Variants in CREB5 observed in about 807,000 individuals in gnomAD.
CREB5 encodes the protein cAMP responsive element binding protein 5, also known as cyclic AMP-responsive element-binding protein 5.
Under a neutral mutation model 57.1 loss-of-function variants are expected in CREB5, and 19 were observed. The observed-to-expected ratio is 0.33, with a 90% CI of 0.23 to 0.49. The LOEUF (loss-of-function observed/expected upper bound fraction) is 0.49. CREB5 is among the 20% of genes least tolerant of loss of function. CREB5 has a pLI of 0.99. For synonymous variants in CREB5, 238 were observed against 238.3 expected, an observed-to-expected ratio of 1.00 and a Z score of 0.01; for missense variants, 579 against 671.6, an observed-to-expected ratio of 0.86 and a Z score of 1.52.
At chr7:28,389,201 AAAAC>A (rs1167472020) in intron 1 of CREB5, among the ~76,000 whole-genome samples, 2 of 152,236 alleles carry the variant, frequency 1.3e-5, no homozygotes, top group African/African-American at 4.8e-5. Flanking sequence ...ATGCATTCTG[AAAAC>A]AGTGAACACT....
rs151325491 is a variant in CREB5 at position 28,462,704 on chromosome 7, T to C, written c.4-25471T>C. On this transcript the variant is annotated intron_variant, in intron 1 of 10. Coordinates refer to ENST00000357727, the MANE Select transcript of CREB5 (RefSeq NM_182898.4). ...TTTTTATGTAGTTATTTACCATTTG[T>C]ATATTTTCTGTATAGAAGTATCTAT... Among the ~76,000 whole-genome samples the C allele has an allele frequency of 1.9e-3, 283 of 152,328 alleles. 4 individuals are homozygous for C. Among genetic ancestry groups the C allele is most frequent in the Middle Eastern group, 6.8e-3 (2 of 294 alleles).
intron 7 of CREB5, among the ~76,000 whole-genome samples, chr7:28,725,193 A>C (rs1167271628): frequency 6.6e-6 from 1 of 152,236 alleles, no homozygotes; most frequent in Non-Finnish European, 1.5e-5. Context: ...GCTGACTGGC[A>C]GCATTAGAGA....
At chr7:28,496,599 G>A (rs1010844190) in intron 3 of CREB5, among the ~76,000 whole-genome samples, 6 of 152,010 alleles carry the variant, frequency 3.9e-5, no homozygotes, top group Admixed American at 6.6e-5. Flanking sequence ...ACCTGCACAC[G>A]GCTACTGCAT....
At chr7:28,674,275 G>A (rs1360760665) in intron 5 of CREB5, among the ~76,000 whole-genome samples, 2 of 152,172 alleles carry the variant, frequency 1.3e-5, no homozygotes, top group Non-Finnish European at 2.9e-5. Flanking sequence ...ACTCAGCTGA[G>A]AGTGAGTTGA....
At chr7:28,783,025 A>T (rs1463776473) in intron 7 of CREB5, among the ~76,000 whole-genome samples, 1 of 152,228 alleles carries the variant, frequency 6.6e-6, no homozygotes, top group East Asian at 1.9e-4. Flanking sequence ...CCAGAAGTTG[A>T]GAAAAACCTT....
chr7:28,688,046 T>A (rs986937016), intron 5 of CREB5, among the ~76,000 whole-genome samples: 2 of 152,214 alleles, frequency 1.3e-5, no homozygotes, highest in Non-Finnish European at 2.9e-5. Flanking sequence ...GTATTTAGCA[T>A]AGCTTTTCAG....
At chr7:28,462,675 G>A (rs1196353648) in intron 1 of CREB5, among the ~76,000 whole-genome samples, 2 of 151,964 alleles carry the variant, frequency 1.3e-5, no homozygotes, top group Non-Finnish European at 2.9e-5. Flanking sequence ...TGATGTTGAC[G>A]ATATTTTTAT....
intron 5 of CREB5, among the ~76,000 whole-genome samples, chr7:28,644,615 T>A (rs899696392): frequency 1.3e-5 from 2 of 152,202 alleles, no homozygotes; most frequent in Non-Finnish European, 2.9e-5. Context: ...ATTTGAAATT[T>A]TGAATTTCAA....
intron 1 of CREB5, among the ~76,000 whole-genome samples, chr7:28,465,750 A>G (rs557466725): frequency 8.5e-5 from 13 of 152,164 alleles, no homozygotes; most frequent in Non-Finnish European, 1.6e-4. Context: ...AAGTGTTAAA[A>G]CTCTACAAAG....
intron 5 of CREB5, among the ~76,000 whole-genome samples, chr7:28,611,509 A>AAAAT (rs1478886762): frequency 6.8e-6 from 1 of 147,368 alleles, no homozygotes; most frequent in East Asian, 2.0e-4. Context: ...AAAAAAAAAA[A>AAAAT]AAAAAAATTA....
chr7:28,718,126 G>T (rs1253294792), intron 5 of CREB5, among the ~76,000 whole-genome samples: 1 of 152,244 alleles, frequency 6.6e-6, no homozygotes, highest in African/African-American at 2.4e-5. Context: ...ATTATGAAAT[G>T]AGAGGCTGGT....
At chr7:28,793,305 G>A (rs1021306447) in intron 7 of CREB5, among the ~76,000 whole-genome samples, 3 of 152,256 alleles carry the variant, frequency 2.0e-5, no homozygotes, top group African/African-American at 7.2e-5. Context: ...CCTCAGATAT[G>A]GATACCAAGG....
intron 5 of CREB5, among the ~76,000 whole-genome samples, chr7:28,710,886 A>T (rs1025382403): frequency 6.6e-6 from 1 of 152,202 alleles, no homozygotes; most frequent in Non-Finnish European, 1.5e-5. Flanking sequence ...ATGTTCCTAG[A>T]GAAATGTACA....
At chr7:28,594,321 T>G (rs1583681476) in intron 5 of CREB5, among the ~76,000 whole-genome samples, 2 of 152,308 alleles carry the variant, frequency 1.3e-5, no homozygotes, top group South Asian at 4.1e-4. Flanking sequence ...GAGGAGTGGA[T>G]TCAAACACTA....
At chr7:28,534,567 C>A (rs1793875913) in intron 4 of CREB5, among the ~76,000 whole-genome samples, 3 of 152,228 alleles carry the variant, frequency 2.0e-5, no homozygotes, top group Admixed American at 2.0e-4. Context: ...CAGGGCACTT[C>A]TTCTGCAGCC....
intron 1 of CREB5, among the ~76,000 whole-genome samples, chr7:28,399,312 A>C (rs1157650930): frequency 1.3e-5 from 2 of 152,056 alleles, no homozygotes; most frequent in African/African-American, 4.8e-5. Flanking sequence ...AAGTGATAGG[A>C]AAATGGCTTC....
intron 1 of CREB5, among the ~76,000 whole-genome samples, chr7:28,356,335 T>A (rs1392329691): frequency 2.0e-5 from 3 of 152,256 alleles, no homozygotes; most frequent in Non-Finnish European, 2.9e-5. Flanking sequence ...ATTTGTATTA[T>A]AACACACAGA....
intron 9 of CREB5, among the ~76,000 whole-genome samples, chr7:28,814,939 C>G (rs1461326626): frequency 2.6e-5 from 4 of 152,174 alleles, no homozygotes; most frequent in African/African-American, 9.7e-5. Context: ...CATTTTCCCA[C>G]AATAACATGG....
At chr7:28,336,552 C>A (rs111599855) in intron 1 of CREB5, among the ~76,000 whole-genome samples, 6 of 151,992 alleles carry the variant, frequency 3.9e-5, no homozygotes, top group African/African-American at 1.4e-4. Flanking sequence ...TCTCCTTTTT[C>A]ATGTCTGATT....
Sources: gnomAD v4.1 joint callset for allele counts (sites outside exome capture counted in the v4.1 genomes callset) on GRCh38, gnomAD v4.1.1 for gene constraint, MANE v1.5 for transcripts, NCBI Gene and HGNC (gene_info 2026-07-23, HGNC 2026-07-21) for gene names.